SFMBT2: variants seen among roughly 807,000 people sequenced by gnomAD.
SFMBT2 encodes the protein scm-like with four MBT domains protein 2.
A neutral mutation model predicts 110.1 loss-of-function variants in SFMBT2; 38 were observed. The ratio of observed to expected loss-of-function variants is 0.35; its 90% CI spans 0.27 to 0.45. The LOEUF (loss-of-function observed/expected upper bound fraction) is 0.45, where lower values mean the gene tolerates loss of function less well. Ranked by LOEUF, SFMBT2 falls within the 20% of genes least tolerant of loss-of-function variation. The probability of loss-of-function intolerance (pLI) is 1.00; values close to 1 mark genes in which losing one functional copy is unlikely to be tolerated. For missense variants in SFMBT2, 1,011 were observed against 1,094.9 expected, an observed-to-expected ratio of 0.92 and a Z score of 1.08; for synonymous variants, 425 against 425.4, an observed-to-expected ratio of 1.00 and a Z score of 0.01.
chr10:7,385,836 A>G (rs1845587196), intron 1 of SFMBT2, among the ~76,000 whole-genome samples: 2 of 152,218 alleles, frequency 1.3e-5, no homozygotes, highest in African/African-American at 2.4e-5. Context: ...CGTCTCTACT[A>G]AAAATACAAA....
intron 9 of SFMBT2, among the ~76,000 whole-genome samples, chr10:7,239,841 G>T (rs1840378385): frequency 6.6e-6 from 1 of 152,128 alleles, no homozygotes; most frequent in South Asian, 2.1e-4. Flanking sequence ...TGTGGATACG[G>T]TTGTGTAGAA....
chr10:7,285,573 C>T, intron 5 of SFMBT2: 1 of 279,038 alleles, frequency 3.6e-6, no homozygotes, highest in Non-Finnish European at 6.9e-6. Flanking sequence ...AGGAAAGAGG[C>T]TTAAAGATAT....
At chr10:7,263,636 GA>G (rs1004865273) in intron 7 of SFMBT2, among the ~76,000 whole-genome samples, 1 of 152,204 alleles carries the variant, frequency 6.6e-6, no homozygotes, top group African/African-American at 2.4e-5. Context: ...ATGACTTGGG[GA>G]AAAAATTAAG....
At chr10:7,325,298 T>C (rs2131944969) in intron 4 of SFMBT2, among the ~76,000 whole-genome samples, 1 of 152,252 alleles carries the variant, frequency 6.6e-6, no homozygotes, top group East Asian at 1.9e-4. Flanking sequence ...ACAGCCACAC[T>C]GCGGGGGCTT....
At chr10:7,336,651 C>CTCAA (rs59171440) in intron 4 of SFMBT2, among the ~76,000 whole-genome samples, 642 of 150,774 alleles carry the variant, frequency 4.3e-3, no homozygotes, top group Middle Eastern at 6.8e-3. Flanking sequence ...GAGACCCTGT[C>CTCAA]TCAATCAATC....
intron 7 of SFMBT2, among the ~76,000 whole-genome samples, chr10:7,261,871 G>A (rs1191343035): frequency 6.6e-6 from 1 of 152,250 alleles, no homozygotes. Flanking sequence ...GAGACAGGCA[G>A]ATTCAAAGTA....
At chr10:7,283,838 C>A (rs1297603353) in intron 6 of SFMBT2, 66 bp downstream of exon 6, 2 of 1,066,144 alleles carry the variant, frequency 1.9e-6, no homozygotes, top group Non-Finnish European at 2.9e-6. Flanking sequence ...TTTCTAGAAA[C>A]ACATCCAGGA....
At chr10:7,307,862 A>C (rs572801972) in intron 4 of SFMBT2, among the ~76,000 whole-genome samples, 5 of 152,370 alleles carry the variant, frequency 3.3e-5, no homozygotes, top group Admixed American at 2.0e-4. Context: ...AGAAGTCATT[A>C]AAAAGAAAAC....
intron 2 of SFMBT2, among the ~76,000 whole-genome samples, chr10:7,378,211 T>G: frequency 6.0e-5 from 1 of 16,686 alleles, no homozygotes; most frequent in East Asian, 0.011. Context: ...TATGTGTGGA[T>G]GTGTGATGGA....
chr10:7,370,414 TG>T (rs750490907), intron 2 of SFMBT2, 39 bp from the exon 3 acceptor site: 1 of 1,548,394 alleles, frequency 6.5e-7, no homozygotes, highest in Admixed American at 1.7e-5. Flanking sequence ...AATACTGGAG[TG>T]GAGGACAGAA....
At chr10:7,377,954 T>C in intron 2 of SFMBT2, among the ~76,000 whole-genome samples, 1 of 52,348 alleles carries the variant, frequency 1.9e-5, no homozygotes, top group African/African-American at 5.0e-5. Flanking sequence ...CCCCCAAAAT[T>C]TTGTGTGGGG....
At chr10:7,306,448 C>T (rs1588434467) in intron 4 of SFMBT2, among the ~76,000 whole-genome samples, 1 of 152,204 alleles carries the variant, frequency 6.6e-6, no homozygotes, top group South Asian at 2.1e-4. Flanking sequence ...CTCACGGCTG[C>T]TCTCGTGCCA....
At chr10:7,290,583 C>A in intron 4 of SFMBT2, among the ~76,000 whole-genome samples, 1 of 152,262 alleles carries the variant, frequency 6.6e-6, no homozygotes, top group East Asian at 1.9e-4. Context: ...CACCTGTAAT[C>A]CCAACACTTT....
rs1182261886 is a variant in SFMBT2, at chr10:7,171,463, A to G, written c.2416-407T>C. ...CAGTGGCCCTTTCTGCTGATCTCAC[A>G]CCACCCATGGGGCTAGGGGAGACCT... is the stretch of plus-strand genomic sequence containing the variant. On this transcript the variant is annotated intron_variant, in intron 19 of 20. Coordinates refer to ENST00000397167, the MANE Select transcript of SFMBT2 (RefSeq NM_001387889.1). This position sits in a 1 kb window ranked among gnomAD's most constrained non-coding sequence, Gnocchi z 4.9. 1 of 985,176 alleles carries G rather than the reference A, an allele frequency of 1.0e-6. No individual in the cohort carries two copies. Among genetic ancestry groups the G allele is most frequent in the Non-Finnish European group, 1.2e-6 (1 of 829,894 alleles). The allele number at this position is 985,176 out of a possible 1,614,324, so 61.0% of individuals were successfully genotyped here.
In SFMBT2 at chr10:7,160,750, C is replaced by T. The variant is rs1304145516; in HGVS notation, c.*3020G>A. The stretch of plus-strand genomic sequence containing the variant: ...ATTGGCCCTACCTTTAAGACAGACG[C>T]TGGTGAGAGGTGAATCCTACAGAGA... On this transcript the variant is annotated 3_prime_UTR_variant, in exon 21 of 21. Coordinates refer to ENST00000397167, the MANE Select transcript of SFMBT2 (RefSeq NM_001387889.1). The T allele has an allele frequency of 6.6e-6, 1 of 152,194 alleles. No individual in the cohort carries two copies. Among genetic ancestry groups the T allele is most frequent in the Non-Finnish European group, 1.5e-5 (1 of 68,042 alleles). 9.4% of individuals were successfully genotyped at this position (152,194 alleles called of 1,614,324 possible).
At chr10:7,388,841 A>G (rs181101297) in intron 1 of SFMBT2, among the ~76,000 whole-genome samples, 2 of 152,248 alleles carry the variant, frequency 1.3e-5, no homozygotes, top group Admixed American at 1.3e-4. Flanking sequence ...GATGGAGTGG[A>G]TGTGGCAGGG....
chr10:7,386,215 A>G (rs148759618), intron 1 of SFMBT2, among the ~76,000 whole-genome samples: 1 of 152,244 alleles, frequency 6.6e-6, no homozygotes, highest in African/African-American at 2.4e-5. Flanking sequence ...ATTACTTTCG[A>G]GACATTTAAA....
At chr10:7,264,198 C>G (rs376980228) in intron 7 of SFMBT2, 1 of 244,004 alleles carries the variant, frequency 4.1e-6, no homozygotes, top group Non-Finnish European at 6.6e-6. Context: ...TATTAAACAT[C>G]GAGAAATAGA....
At chr10:7,261,888 CT>C (rs1841216447) in intron 7 of SFMBT2, among the ~76,000 whole-genome samples, 1 of 152,232 alleles carries the variant, frequency 6.6e-6, no homozygotes, top group Non-Finnish European at 1.5e-5. Flanking sequence ...AGTAGGGTGG[CT>C]GGCGGAAGGA....
Sources: allele counts gnomAD v4.1 joint callset (sites outside exome capture counted in the v4.1 genomes callset), GRCh38; gene constraint gnomAD v4.1.1; non-coding constraint Gnocchi (gnomAD v3.1); transcripts MANE v1.5; gene names NCBI Gene and HGNC (gene_info 2026-07-23, HGNC 2026-07-21).